PPFIA1: variants seen among roughly 807,000 people sequenced by gnomAD.
PPFIA1 encodes the protein liprin-alpha-1.
Under a neutral mutation model 149.9 loss-of-function variants are expected in PPFIA1, and 25 were observed. The ratio of observed to expected loss-of-function variants is 0.17; its 90% CI spans 0.12 to 0.23. The LOEUF (loss-of-function observed/expected upper bound fraction) is 0.23, where lower values mean the gene tolerates loss of function less well. Ranked by LOEUF, PPFIA1 falls within the 10% of genes least tolerant of loss-of-function variation. The pLI is 1.00. For synonymous variants in PPFIA1, 549 were observed against 552.8 expected, an observed-to-expected ratio of 0.99 and a Z score of 0.10; for missense variants, 1,362 against 1,506.5, an observed-to-expected ratio of 0.90 and a Z score of 1.59.
At chr11:70,300,400 T>G (rs1240522298) in intron 2 of PPFIA1, among the ~76,000 whole-genome samples, 2 of 152,156 alleles carry the variant, frequency 1.3e-5, no homozygotes, top group African/African-American at 4.8e-5. Flanking sequence ...GACGGAGTCT[T>G]TCTCCATCAT....
intron 2 of PPFIA1, among the ~76,000 whole-genome samples, chr11:70,276,005 GT>G (rs965923758): frequency 6.6e-6 from 1 of 152,150 alleles, no homozygotes; most frequent in Non-Finnish European, 1.5e-5. Context: ...TTTGCCAAGA[GT>G]TTTTTAAAAA....
intron 2 of PPFIA1, among the ~76,000 whole-genome samples, chr11:70,283,178 T>G (rs138809213): frequency 6.6e-6 from 1 of 152,020 alleles, no homozygotes; most frequent in African/African-American, 2.4e-5. Context: ...AAAGCAAATA[T>G]TGCCTTTGGG....
chr11:70,366,533 C>T (rs1409047269), intron 21 of PPFIA1, among the ~76,000 whole-genome samples: 3 of 152,224 alleles, frequency 2.0e-5, no homozygotes, highest in Non-Finnish European at 2.9e-5. Context: ...ACCAAAAACT[C>T]TATCCCAACT....
At chr11:70,324,562 G>A (rs554121105) in intron 3 of PPFIA1, 59 bp downstream of exon 3, 115 of 1,401,062 alleles carry the variant, frequency 8.2e-5, no homozygotes, top group South Asian at 1.7e-4. Context: ...GAGGAGGGGC[G>A]GTGTGTCAAA....
chr11:70,288,588 T>A (rs2051312300), intron 2 of PPFIA1, among the ~76,000 whole-genome samples: 1 of 152,168 alleles, frequency 6.6e-6, no homozygotes, highest in Admixed American at 6.5e-5. Flanking sequence ...AAAGAGGTGA[T>A]TTTTCCAGCT....
intron 2 of PPFIA1, among the ~76,000 whole-genome samples, chr11:70,274,072 G>T (rs983031165): frequency 6.6e-6 from 1 of 152,178 alleles, no homozygotes; most frequent in African/African-American, 2.4e-5. Context: ...ATAACATGAT[G>T]ATGCCAACGG....
chr11:70,290,556 C>G (rs1464198716), intron 2 of PPFIA1, among the ~76,000 whole-genome samples: 7 of 152,196 alleles, frequency 4.6e-5, no homozygotes, highest in African/African-American at 1.4e-4. Flanking sequence ...AAAGTAAGGG[C>G]TTGGCTGAAT....
chr11:70,303,540 C>A (rs190983287), intron 2 of PPFIA1, among the ~76,000 whole-genome samples: 1 of 152,142 alleles, frequency 6.6e-6, no homozygotes. Context: ...CATTCCTGAG[C>A]GGTGCCAAGT....
chr11:70,374,804 C>G (rs966567765), intron 23 of PPFIA1, 114 bp from the exon 24 acceptor site: 7 of 957,346 alleles, frequency 7.3e-6, no homozygotes, highest in Non-Finnish European at 1.1e-5. Context: ...GCACTTTTCT[C>G]AGGAGCCGAA....
At chr11:70,356,061 G>A (rs1426646104) in intron 18 of PPFIA1, 100 bp from the exon 19 acceptor site, 6 of 1,104,772 alleles carry the variant, frequency 5.4e-6, no homozygotes, top group African/African-American at 4.7e-5. Flanking sequence ...CTTAAGAAAT[G>A]ATTTAAATCT....
At chr11:70,301,961 G>A (rs1411309211) in intron 2 of PPFIA1, among the ~76,000 whole-genome samples, 2 of 152,194 alleles carry the variant, frequency 1.3e-5, no homozygotes, top group African/African-American at 2.4e-5. Flanking sequence ...TGCTTTGCTC[G>A]GTTCCTTGTT....
intron 12 of PPFIA1, among the ~76,000 whole-genome samples, chr11:70,337,790 A>G (rs1228793544): frequency 6.6e-6 from 1 of 152,244 alleles, no homozygotes; most frequent in Non-Finnish European, 1.5e-5. Flanking sequence ...TATTTAATTC[A>G]GTATATGCAA....
intron 12 of PPFIA1, 54 bp downstream of exon 12, chr11:70,337,481 T>G: frequency 7.4e-7 from 1 of 1,357,616 alleles, no homozygotes; most frequent in East Asian, 2.5e-5. Flanking sequence ...GAGTTGATGA[T>G]GATGATAGTT....
intron 2 of PPFIA1, among the ~76,000 whole-genome samples, chr11:70,295,827 C>T (rs932659235): frequency 1.1e-4 from 16 of 151,410 alleles, no homozygotes; most frequent in African/African-American, 2.4e-4. Flanking sequence ...TGGGCGGAGA[C>T]GCTCCTCACT....
chr11:70,380,036 C>G (rs900999428), intron 26 of PPFIA1, among the ~76,000 whole-genome samples: 1 of 152,212 alleles, frequency 6.6e-6, no homozygotes, highest in Non-Finnish European at 1.5e-5. Flanking sequence ...GCTTCAATTT[C>G]AGTTTTCCTT....
At chr11:70,335,824 T>C in intron 11 of PPFIA1, 130 bp downstream of exon 11, 3 of 1,100,768 alleles carry the variant, frequency 2.7e-6, no homozygotes, top group Non-Finnish European at 3.9e-6. Context: ...TTCTTTAAAG[T>C]GGAAAAGGTA....
intron 26 of PPFIA1, among the ~76,000 whole-genome samples, chr11:70,381,869 CAG>C (rs2057727155): frequency 2.0e-5 from 3 of 152,138 alleles, no homozygotes; most frequent in Non-Finnish European, 4.4e-5. Flanking sequence ...AGTAGTGTTC[CAG>C]AGTCTCCCGG....
chr11:70,288,035 A>G (rs1591063242), intron 2 of PPFIA1, among the ~76,000 whole-genome samples: 2 of 148,224 alleles, frequency 1.3e-5, no homozygotes, highest in African/African-American at 5.0e-5. Flanking sequence ...AACATCTCTC[A>G]CTTGCTCTCC....
intron 16 of PPFIA1, among the ~76,000 whole-genome samples, chr11:70,348,798 G>A (rs2055871406): frequency 6.6e-6 from 1 of 152,110 alleles, no homozygotes; most frequent in Non-Finnish European, 1.5e-5. Context: ...CTGAGCCCAG[G>A]AGGTCGAGGC....
Sources: gnomAD v4.1 joint callset for allele counts (sites outside exome capture counted in the v4.1 genomes callset) on GRCh38, gnomAD v4.1.1 for gene constraint, MANE v1.5 for transcripts, NCBI Gene and HGNC (gene_info 2026-07-23, HGNC 2026-07-21) for gene names.